Variants in BRD10 observed in about 807,000 individuals in gnomAD.
BRD10 encodes the protein bromodomain containing 10.
chr9:6,007,722 C>T, the BRD10 span: 10 of 1,601,866 alleles, frequency 6.2e-6, no homozygotes, highest in South Asian at 1.1e-5. Flanking sequence ...CTCCTTCGGC[C>T]GCCGGTGGCG....
the BRD10 span, among the ~76,000 whole-genome samples, chr9:5,989,875 C>T: frequency 1.3e-5 from 2 of 152,116 alleles, no homozygotes; most frequent in East Asian, 1.9e-4. Flanking sequence ...AAGTCCTGTC[C>T]TCCTTGGACT....
the BRD10 span, among the ~76,000 whole-genome samples, chr9:5,932,452 A>C: frequency 6.6e-6 from 1 of 152,220 alleles, no homozygotes; most frequent in South Asian, 2.1e-4. Context: ...GTCTACACTA[A>C]ACACATACAG....
chr9:5,929,442 TTTGTTAAATATATGTAAAAACAC>T, the BRD10 span, among the ~76,000 whole-genome samples: 1 of 152,198 alleles, frequency 6.6e-6, no homozygotes, highest in Non-Finnish European at 1.5e-5. Context: ...TAATAAATCA[TTTGTTAAATATATGTAAAAACAC>T]AAACATTTAT....
At chr9:5,968,285 C>G in the BRD10 span, 4 of 1,611,996 alleles carry the variant, frequency 2.5e-6, no homozygotes, top group Admixed American at 3.3e-5. Context: ...TGGATGATCA[C>G]TGTGACTTCC....
the BRD10 span, among the ~76,000 whole-genome samples, chr9:5,887,173 C>T: frequency 1.3e-5 from 2 of 152,120 alleles, no homozygotes; most frequent in African/African-American, 2.4e-5. Flanking sequence ...GCAGGAGAAT[C>T]GCTTGAACCC....
the BRD10 span, chr9:5,924,940 A>AT: frequency 1.1e-6 from 1 of 886,884 alleles, no homozygotes; most frequent in Non-Finnish European, 1.6e-6. Flanking sequence ...ATATGGAAAT[A>AT]TTTTTTATTA....
the BRD10 span, among the ~76,000 whole-genome samples, chr9:5,944,395 AC>A: frequency 6.6e-6 from 1 of 152,086 alleles, no homozygotes; most frequent in Middle Eastern, 3.2e-3. Context: ...TTAAAAAAAA[AC>A]TTTCAGCAGA....
chr9:5,988,459 G>A, the BRD10 span: 1 of 1,613,804 alleles, frequency 6.2e-7, no homozygotes, highest in East Asian at 2.2e-5. Flanking sequence ...CCGACGCCTT[G>A]TTGAGGTACA....
the BRD10 span, among the ~76,000 whole-genome samples, chr9:5,999,379 A>G: frequency 2.0e-5 from 3 of 152,126 alleles, no homozygotes; most frequent in Admixed American, 2.0e-4. Context: ...ATTTATATAT[A>G]TATAATCACC....
chr9:5,937,584 A>T, the BRD10 span, among the ~76,000 whole-genome samples: 4 of 152,334 alleles, frequency 2.6e-5, no homozygotes, highest in African/African-American at 9.6e-5. Context: ...GCTCTTGACT[A>T]CAGAAGGATC....
chr9:5,923,074 G>T, the BRD10 span: 1 of 1,613,936 alleles, frequency 6.2e-7, no homozygotes, highest in Non-Finnish European at 8.5e-7. Flanking sequence ...TTGATTCACT[G>T]AAACAGTCAA....
chr9:5,932,576 A>C, the BRD10 span, among the ~76,000 whole-genome samples: 1 of 152,188 alleles, frequency 6.6e-6, no homozygotes, highest in East Asian at 1.9e-4. Context: ...AGTCTACAGG[A>C]GGATGTGTGT....
the BRD10 span, among the ~76,000 whole-genome samples, chr9:5,943,476 C>G: frequency 6.6e-6 from 1 of 151,076 alleles, no homozygotes; most frequent in Non-Finnish European, 1.5e-5. Context: ...AACAGTAACA[C>G]TCTGATATTT....
the BRD10 span, among the ~76,000 whole-genome samples, chr9:5,896,259 T>C: frequency 6.6e-6 from 1 of 152,192 alleles, no homozygotes; most frequent in South Asian, 2.1e-4. Context: ...AAAGCATATA[T>C]GTGGGGGTGC....
At chr9:5,972,981 G>A in the BRD10 span, among the ~76,000 whole-genome samples, 1 of 152,074 alleles carries the variant, frequency 6.6e-6, no homozygotes, top group African/African-American at 2.4e-5. Flanking sequence ...TGGTATTTGT[G>A]ACTGAAAAAC....
chr9:5,953,699 C>A, the BRD10 span, among the ~76,000 whole-genome samples: 850 of 150,564 alleles, frequency 5.6e-3, 9 homozygotes, highest in African/African-American at 0.02. Context: ...TATATACATA[C>A]ACACACACAC....
chr9:5,935,917 AAAGTAT>A, the BRD10 span, among the ~76,000 whole-genome samples: 4 of 152,200 alleles, frequency 2.6e-5, no homozygotes, highest in African/African-American at 9.7e-5. Context: ...AAATGTTCCT[AAAGTAT>A]AAGTCTTTCA....
At chr9:5,947,760 C>T in the BRD10 span, among the ~76,000 whole-genome samples, 244 of 152,104 alleles carry the variant, frequency 1.6e-3, 1 homozygote, top group Admixed American at 2.9e-3. Context: ...TATATGTGGC[C>T]ATTACATTCA....
the BRD10 span, chr9:5,920,098 A>G: frequency 1.2e-6 from 2 of 1,613,968 alleles, no homozygotes. Context: ...AAGAGTTTAT[A>G]AATTTTGTAG....
Sources: allele counts gnomAD v4.1 joint callset (sites outside exome capture counted in the v4.1 genomes callset), GRCh38; gene constraint gnomAD v4.1.1; transcripts MANE v1.5; gene names NCBI Gene and HGNC (gene_info 2026-07-23, HGNC 2026-07-21).